The following RAD51B variants were observed in gnomAD, a reference collection of about 807,000 sequenced individuals.
RAD51B encodes RAD51 paralog B.
RAD51B carries 38 observed loss-of-function variants against 42.2 expected under a neutral mutation model. The ratio of observed to expected loss-of-function variants is 0.90; its 90% CI spans 0.70 to 1.18. RAD51B has a LOEUF of 1.18. RAD51B is among the 50% of genes most tolerant of loss of function. RAD51B has a pLI of 0.00. For missense variants in RAD51B, 373 were observed against 400.7 expected (o/e 0.93, Z 0.59); for synonymous variants, 154 against 145.2 (o/e 1.06, Z -0.43).
At chr14:68,141,797 A>C (rs955521313) in intron 7 of RAD51B, among the ~76,000 whole-genome samples, 1 of 152,184 alleles carries the variant, frequency 6.6e-6, no homozygotes, top group Admixed American at 6.5e-5. Context: ...AAGCATAATA[A>C]AAGTAGGACT....
At chr14:68,301,602 T>G (rs989351272) in intron 8 of RAD51B, among the ~76,000 whole-genome samples, 82 of 148,832 alleles carry the variant, frequency 5.5e-4, no homozygotes, top group African/African-American at 1.9e-3. Context: ...GTTTTTTTTT[T>G]TTTTTTTTTT....
intron 7 of RAD51B, among the ~76,000 whole-genome samples, chr14:68,249,012 C>T (rs2080561744): frequency 6.6e-6 from 1 of 152,240 alleles, no homozygotes; most frequent in Non-Finnish European, 1.5e-5. Flanking sequence ...AGAGGGGCAG[C>T]AGTGGCTGGG....
intron 7 of RAD51B, among the ~76,000 whole-genome samples, chr14:67,925,214 TG>T (rs2044462530): frequency 6.6e-6 from 1 of 152,216 alleles, no homozygotes; most frequent in African/African-American, 2.4e-5. Flanking sequence ...CTTCATGGGC[TG>T]GCATTGAGTG....
rs145485822 is a variant in RAD51B at position 68,086,313 on chromosome 14, C to T, written c.756+199109C>T. 3.0e-3 allele frequency among the ~76,000 whole-genome samples: 453 copies of T among 152,244 alleles called. 2 individuals carry two copies. Among genetic ancestry groups the T allele is most frequent in the African/African-American group, 0.01 (435 of 41,550 alleles). ...GCGTTCCTCTCGCTGTCCAGCTGCC[C>T]GTGTGTTCCTCGGCTCGTGTGCTCC... is the stretch of plus-strand genomic sequence containing the variant. On this transcript the variant is annotated intron_variant, in intron 7 of 10. Transcript: ENST00000471583.
At chr14:67,837,662 TTTAA>T (rs763563260) in intron 4 of RAD51B, among the ~76,000 whole-genome samples, 1 of 152,198 alleles carries the variant, frequency 6.6e-6, no homozygotes, top group Non-Finnish European at 1.5e-5. Context: ...TATTACAATT[TTTAA>T]TTGATACAAT....
intron 7 of RAD51B, among the ~76,000 whole-genome samples, chr14:67,966,280 G>A (rs2074776110): frequency 1.3e-5 from 2 of 152,082 alleles, no homozygotes; most frequent in South Asian, 4.1e-4. Flanking sequence ...AGAGATGATG[G>A]GTTTAAGGGG....
intron 8 of RAD51B, among the ~76,000 whole-genome samples, chr14:68,368,966 G>A (rs1454764469): frequency 6.6e-6 from 1 of 152,184 alleles, no homozygotes; most frequent in Non-Finnish European, 1.5e-5. Context: ...ATCTGGTTAT[G>A]GTCGTTGTTT....
chr14:68,383,278 C>T (rs2083519258), intron 8 of RAD51B, among the ~76,000 whole-genome samples: 1 of 152,204 alleles, frequency 6.6e-6, no homozygotes, highest in African/African-American at 2.4e-5. Context: ...TACCAGTGTA[C>T]CAGTTGTTCT....
At chr14:68,580,239 T>C (rs956594944) in intron 10 of RAD51B, among the ~76,000 whole-genome samples, 8 of 152,320 alleles carry the variant, frequency 5.3e-5, no homozygotes, top group Non-Finnish European at 8.8e-5. Flanking sequence ...GTAAGCCTTG[T>C]CAGGGAGGCC....
intron 7 of RAD51B, among the ~76,000 whole-genome samples, chr14:68,184,071 C>T (rs1225283044): frequency 4.0e-5 from 5 of 125,294 alleles, no homozygotes; most frequent in East Asian, 2.4e-4. Context: ...CCAGCCTGGG[C>T]GACAGAGGGA....
intron 10 of RAD51B, among the ~76,000 whole-genome samples, chr14:68,580,724 G>A (rs1250716242): frequency 6.6e-6 from 1 of 152,096 alleles, no homozygotes; most frequent in Non-Finnish European, 1.5e-5. Context: ...TTCCCTTTCA[G>A]TTATTTTCCT....
chr14:68,006,639 C>T (rs2075596640), intron 7 of RAD51B, among the ~76,000 whole-genome samples: 1 of 151,910 alleles, frequency 6.6e-6, no homozygotes, highest in African/African-American at 2.4e-5. Flanking sequence ...ATAAGGAGTG[C>T]ATCATTTAAA....
intron 7 of RAD51B, among the ~76,000 whole-genome samples, chr14:68,074,481 C>G (rs927116052): frequency 1.3e-5 from 2 of 152,136 alleles, no homozygotes; most frequent in Non-Finnish European, 2.9e-5. Context: ...TCTGTTGAAT[C>G]TTGATTAATT....
intron 7 of RAD51B, among the ~76,000 whole-genome samples, chr14:67,901,142 A>C (rs2043598572): frequency 6.6e-6 from 1 of 152,194 alleles, no homozygotes; most frequent in African/African-American, 2.4e-5. Flanking sequence ...GGTTCTGCCC[A>C]AAATGGGAGG....
chr14:67,931,621 G>A (rs2140158915), intron 7 of RAD51B, among the ~76,000 whole-genome samples: 1 of 150,794 alleles, frequency 6.6e-6, no homozygotes, highest in African/African-American at 2.4e-5. Context: ...TCCTGCCTCA[G>A]CCTCCTGAGT....
At chr14:68,011,430 G>C (rs1246633733) in intron 7 of RAD51B, among the ~76,000 whole-genome samples, 1 of 151,782 alleles carries the variant, frequency 6.6e-6, no homozygotes, top group African/African-American at 2.4e-5. Context: ...TTAAATTTAA[G>C]TAATTAGCTT....
intron 10 of RAD51B, chr14:68,541,728 T>C: frequency 1.0e-6 from 1 of 985,452 alleles, no homozygotes; most frequent in African/African-American, 1.7e-5. Flanking sequence ...AAAGTGGAAT[T>C]TGTAGTAACA....
chr14:67,886,875 G>A (rs570466902), intron 6 of RAD51B, 146 bp from the exon 7 acceptor site: 1 of 528,136 alleles, frequency 1.9e-6, no homozygotes, highest in African/African-American at 2.0e-5. Context: ...ATGTCTACAA[G>A]TTAGGTTTAC....
Position 67,858,735 on chromosome 14 carries a change from G to A in RAD51B, c.316-6268G>A, listed in dbSNP as rs540520949. Among the ~76,000 whole-genome samples the A allele has an allele frequency of 4.6e-5, 7 of 152,284 alleles. No individual in the cohort carries two copies. In the East Asian group the frequency reaches 1.2e-3, roughly 25 times the overall value. On this transcript the variant is annotated intron_variant, in intron 4 of 10. Coordinates refer to ENST00000471583, the MANE Select transcript of RAD51B (RefSeq NM_133510.4). Reference sequence around the variant, plus strand: ...GGCTTTCAGGCTTTGAACTGTATCCGGCTTGGAGGTGGGGTTTCACCGGAT... The same window carrying A: ...GGCTTTCAGGCTTTGAACTGTATCCAGCTTGGAGGTGGGGTTTCACCGGAT...
Sources: gnomAD v4.1 joint callset for allele counts (sites outside exome capture counted in the v4.1 genomes callset) on GRCh38, gnomAD v4.1.1 for gene constraint, MANE v1.5 for transcripts, NCBI Gene and HGNC (gene_info 2026-07-23, HGNC 2026-07-21) for gene names.